The following ESYT3 variants were observed in gnomAD, a reference collection of about 807,000 sequenced individuals.
The protein encoded by ESYT3 is extended synaptotagmin 3, also known as extended synaptotagmin-3.
In ESYT3, 101 loss-of-function variants were observed where a neutral mutation model predicts 111.5. The ratio of observed to expected loss-of-function variants is 0.91; its 90% confidence interval spans 0.77 to 1.07. The LOEUF (loss-of-function observed/expected upper bound fraction) is 1.07, where lower values mean the gene tolerates loss of function less well. Among genes scored for constraint, ESYT3 ranks in the 50% least tolerant of loss-of-function variants. The probability of loss-of-function intolerance (pLI) is 0.00; values close to 1 mark genes in which losing one functional copy is unlikely to be tolerated. For missense variants in ESYT3, 1,097 were observed against 1,109.4 expected, an observed-to-expected ratio of 0.99 and a Z score of 0.16; for synonymous variants, 416 against 446.8, an observed-to-expected ratio of 0.93 and a Z score of 0.87.
intron 2 of ESYT3, among the ~76,000 whole-genome samples, chr3:138,453,960 C>T (rs1303157555): frequency 6.6e-6 from 1 of 152,190 alleles, no homozygotes; most frequent in Non-Finnish European, 1.5e-5. Context: ...GAGTTGTGAC[C>T]CCGCTGTGTG....
rs771662434 is a variant in ESYT3, at chr3:138,476,345, T to G, written c.2574+17T>G. The G allele has an allele frequency of 2.5e-6, 4 of 1,604,868 alleles. No homozygotes were observed. The Admixed American group carries it at 6.7e-5, about 27-fold the overall frequency. ...TTAGGAAAAGTAAGTACAAGAGATA[T>G]TTGATATACCAAGGAGATTATGATC... On this transcript the variant is annotated intron_variant, in intron 21 of 22. Coordinates refer to ENST00000389567, the MANE Select transcript of ESYT3 (RefSeq NM_031913.5).
intron 1 of ESYT3, among the ~76,000 whole-genome samples, chr3:138,441,510 CTGGTGACTT>C (rs1388892591): frequency 6.6e-6 from 1 of 152,190 alleles, no homozygotes; most frequent in Non-Finnish European, 1.5e-5. Flanking sequence ...GGGAATGTCT[CTGGTGACTT>C]TGGGGAGGGG....
Position 138,476,258 on chromosome 3 carries a change from A to G in ESYT3, c.2504A>G (p.Lys835Arg), listed in dbSNP as rs750509029. The G allele has an allele frequency of 6.2e-7, 1 of 1,613,970 alleles. No homozygotes were observed. Among genetic ancestry groups the G allele is most frequent in the Non-Finnish European group, 8.5e-7 (1 of 1,179,870 alleles). The change falls in exon 21 of 23, where the codon AAG (lysine) becomes AGG (arginine). Residue 835 changes from lysine (K) to arginine (R), a missense_variant. Physicochemically the swap from Lys to Arg is conservative, Grantham distance 26. Coordinates refer to ENST00000389567, the MANE Select transcript of ESYT3 (RefSeq NM_031913.5). ...TTTGTTCCCATGGAAGAAGTAAAGA[A>G]GAGGTCACTAGATGTTGCAGTGAAA... ...EFFVPMEEVK[K>R]RSLDVAVKNS...
intron 1 of ESYT3, among the ~76,000 whole-genome samples, chr3:138,451,092 C>T (rs1365122144): frequency 6.6e-6 from 1 of 152,248 alleles, no homozygotes; most frequent in Non-Finnish European, 1.5e-5. Context: ...GAGACTGAGA[C>T]TCCTGGAGGG....
At position 138,464,204 on chromosome 3, in the gene ESYT3, A is replaced by G. The variant is rs2032800180; in HGVS notation, c.916-141A>G. On this transcript the variant is annotated intron_variant, in intron 8 of 22. Coordinates refer to ENST00000389567, the MANE Select transcript of ESYT3 (RefSeq NM_031913.5). ...GTGGCCTTGGCCAGGTCACTGCCGT[A>G]TCTGGCTTCTATCTCCTGGTCCAGA... The G allele has an allele frequency of 6.5e-6, 6 of 925,334 alleles. No homozygotes were observed. The East Asian group carries it at 1.6e-4, about 24-fold the overall frequency. 57.3% of individuals were successfully genotyped at this position (925,334 alleles called of 1,614,324 possible).
At chr3:138,459,295 G>C (rs2032482176) in intron 5 of ESYT3, 42 bp downstream of exon 5, 2 of 1,480,768 alleles carry the variant, frequency 1.4e-6, no homozygotes, top group African/African-American at 2.8e-5. Flanking sequence ...CCAGCCCCCA[G>C]GGTGGGGATC....
chr3:138,462,060 C>T, intron 7 of ESYT3, 26 bp from the exon 8 acceptor site: 1 of 1,613,580 alleles, frequency 6.2e-7, no homozygotes. Flanking sequence ...GCCACCCCTC[C>T]ACAGCTGGTC....
intron 8 of ESYT3, among the ~76,000 whole-genome samples, chr3:138,463,464 C>T (rs940811769): frequency 1.3e-5 from 2 of 152,072 alleles, no homozygotes; most frequent in African/African-American, 4.8e-5. Context: ...AGATCTTCCA[C>T]ATTCTTTTTA....
intron 16 of ESYT3, 169 bp from the exon 17 acceptor site, chr3:138,470,708 C>G: frequency 1.4e-6 from 2 of 1,439,998 alleles, no homozygotes; most frequent in South Asian, 3.0e-5. Context: ...TGACAGAAGA[C>G]AAGGACCAGG....
rs540757534 is a variant in ESYT3, at chr3:138,438,350, G to A, written c.327+3225G>A. On this transcript the variant is annotated intron_variant, in intron 1 of 22. Transcript: ENST00000389567. ...CACACTCAGACCTGCATTGCATGTC[G>A]TGTGAGTTGGCCCTGTACTCTAGCC... Among the ~76,000 whole-genome samples, 7 of 152,318 alleles carry A rather than the reference G, an allele frequency of 4.6e-5. No individual in the cohort carries two copies. The East Asian group carries it at 9.7e-4, about 21-fold the overall frequency.
chr3:138,470,812 A>G, intron 16 of ESYT3, 65 bp from the exon 17 acceptor site: 1 of 1,606,796 alleles, frequency 6.2e-7, no homozygotes, highest in East Asian at 2.2e-5. Context: ...GCTGGGGCTC[A>G]GATACTAGTA....
chr3:138,460,939 C>T (rs1192860402), intron 7 of ESYT3, among the ~76,000 whole-genome samples: 1 of 152,220 alleles, frequency 6.6e-6, no homozygotes, highest in Non-Finnish European at 1.5e-5. Context: ...GAGTGTTGGG[C>T]TGACGTTCAG....
At chr3:138,460,142 A>C (rs2032542829) in intron 6 of ESYT3, 108 bp downstream of exon 6, 2 of 935,574 alleles carry the variant, frequency 2.1e-6, no homozygotes, top group Non-Finnish European at 3.3e-6. Flanking sequence ...GTCCCAGCCC[A>C]CTGAGACCTG....
Position 138,435,254 on chromosome 3 carries a change from G to A in ESYT3, c.327+129G>A, listed in dbSNP as rs1054263206. ...GGGAGCCCGGCGACCTGCACACCCC[G>A]TTCCCCACCGCTCCCGGGGCGCAGA... On this transcript the variant is annotated intron_variant, in intron 1 of 22. Coordinates refer to ENST00000389567, the MANE Select transcript of ESYT3 (RefSeq NM_031913.5). This position sits in a 1 kb window ranked among gnomAD's most constrained non-coding sequence, Gnocchi z 4.8. The A allele has an allele frequency of 3.3e-6, 3 of 908,440 alleles. No individual in the cohort carries two copies. The highest frequency in any genetic ancestry group is 2.7e-5 in the East Asian group (1 of 37,228). The allele number at this position is 908,440 out of a possible 1,614,324, so 56.3% of individuals were successfully genotyped here.
intron 7 of ESYT3, 21 bp downstream of exon 7, chr3:138,460,687 C>T (rs371205202): frequency 3.5e-5 from 57 of 1,613,600 alleles, no homozygotes; most frequent in Admixed American, 6.7e-5. Context: ...GGGAGAGCCT[C>T]GAGGGAGATC....
Position 138,470,193 on chromosome 3 carries a change from G to A in ESYT3, c.1590+47G>A, listed in dbSNP as rs778526727. ...TGAAACAGAGTTAAGAGGTTTTTAA[G>A]CCAGGCGGGCTGGGAAGCTTGAAGT... is the stretch of plus-strand genomic sequence containing the variant. On this transcript the variant is annotated intron_variant, in intron 16 of 22. Coordinates refer to ENST00000389567, the MANE Select transcript of ESYT3 (RefSeq NM_031913.5). 1.1e-5 allele frequency: 18 copies of A among 1,583,952 alleles called. No homozygotes were observed. In the Admixed American group the frequency reaches 2.7e-4, roughly 24 times the overall value.
chr3:138,470,666 T>C, intron 16 of ESYT3: 1 of 1,380,202 alleles, frequency 7.2e-7, no homozygotes, highest in Non-Finnish European at 9.4e-7. Flanking sequence ...ATACAGATCA[T>C]AATTGCCTCT....
At position 138,462,204 on chromosome 3, in the gene ESYT3, T is replaced by C. The variant is rs2032684390; in HGVS notation, c.913T>C (p.Cys305Arg). 1 of 1,614,080 alleles carries C rather than the reference T, an allele frequency of 6.2e-7. No individual in the cohort carries two copies. The highest frequency in any genetic ancestry group is 1.3e-5 in the African/African-American group (1 of 74,948). The change falls in exon 8 of 23, where the codon TGT becomes CGT. Residue 305 changes from cysteine to arginine, a missense_variant and splice_region_variant. Physicochemically the swap from Cys to Arg is radical, Grantham distance 180. Transcript: ENST00000389567. ...GACCAACCTGCGCTTCCCTCTGCCC[T>C]GTGTGAGTACCCAGTACTAGCCACA... ...DLTNLRFPLP[C>R]GVIRVHLLEA...
In ESYT3 at chr3:138,479,053, C is replaced by G. The variant is rs997626350; in HGVS notation, c.*2199C>G. The G allele has an allele frequency of 6.6e-6, 1 of 152,048 alleles. No individual in the cohort carries two copies. Among genetic ancestry groups the G allele is most frequent in the African/African-American group, 2.4e-5 (1 of 41,386 alleles). The allele number at this position is 152,048 out of a possible 1,614,324, so 9.4% of individuals were successfully genotyped here. A position where few individuals can be genotyped will look rare whatever the true frequency, so the allele number is the denominator to read the frequency against. Reference sequence around the variant, plus strand: ...AGATGGCTGTCACTAAAGGGAAACTCACGGGCAAAAATAAATTATGAAACA... The same window carrying G: ...AGATGGCTGTCACTAAAGGGAAACTGACGGGCAAAAATAAATTATGAAACA... On this transcript the variant is annotated 3_prime_UTR_variant, in exon 23 of 23. Transcript: ENST00000389567.
Sources: allele counts gnomAD v4.1 joint callset (sites outside exome capture counted in the v4.1 genomes callset), GRCh38; gene constraint gnomAD v4.1.1; non-coding constraint Gnocchi (gnomAD v3.1); transcripts MANE v1.5; gene names NCBI Gene and HGNC (gene_info 2026-07-23, HGNC 2026-07-21).